GAB2: variants seen among roughly 807,000 people sequenced by gnomAD.
GAB2 encodes GRB2-associated-binding protein 2.
Under a neutral mutation model 65.5 loss-of-function variants are expected in GAB2, and 26 were observed. The observed-to-expected ratio is 0.40, with a 90% CI of 0.29 to 0.55. The LOEUF is 0.55. Among genes scored for constraint, GAB2 ranks in the 20% least tolerant of loss-of-function variants. GAB2 has a pLI of 0.53. For synonymous variants in GAB2, 321 were observed against 329.6 expected (o/e 0.97, Z 0.28); for missense variants, 884 against 875.8 (o/e 1.01, Z -0.12).
At chr11:78,344,035 A>C (rs865847549) in intron 1 of GAB2, among the ~76,000 whole-genome samples, 1 of 152,220 alleles carries the variant, frequency 6.6e-6, no homozygotes, top group Non-Finnish European at 1.5e-5. Flanking sequence ...AGGACTGTCT[A>C]TAGAACAGCT....
Position 78,219,492 on chromosome 11 carries a change from T to A in GAB2, c.1888-77A>T. ...GGGGAGGAAGAAGGTGGGCACGGGA[T>A]CTTCCTGAGCTGTCTGAAGGGGAGA... On this transcript the variant is annotated intron_variant, in intron 9 of 9. Coordinates refer to ENST00000361507, the MANE Select transcript of GAB2 (RefSeq NM_080491.3). 4.4e-6 allele frequency: 6 copies of A among 1,365,162 alleles called. No individual in the cohort carries two copies. The East Asian group carries it at 1.4e-4, about 31-fold the overall frequency. The allele number at this position is 1,365,162 out of a possible 1,614,324, so 84.6% of individuals were successfully genotyped here.
intron 1 of GAB2, among the ~76,000 whole-genome samples, chr11:78,395,438 C>G (rs142082545): frequency 2.6e-3 from 399 of 152,310 alleles, no homozygotes; most frequent in Middle Eastern, 0.01. Context: ...CGGGCAACAG[C>G]AAGTCTCCAT....
At chr11:78,352,854 T>C (rs1260461694) in intron 1 of GAB2, among the ~76,000 whole-genome samples, 1 of 152,214 alleles carries the variant, frequency 6.6e-6, no homozygotes, top group Non-Finnish European at 1.5e-5. Flanking sequence ...GTGATTTAAG[T>C]CACTATTAGT....
intron 1 of GAB2, among the ~76,000 whole-genome samples, chr11:78,398,919 T>A (rs1591087841): frequency 1.3e-5 from 2 of 152,220 alleles, no homozygotes; most frequent in African/African-American, 2.4e-5. Context: ...TCAACTCGAA[T>A]AGGCTCCTGC....
chr11:78,313,740 C>T (rs772096862), intron 1 of GAB2, among the ~76,000 whole-genome samples: 4 of 152,216 alleles, frequency 2.6e-5, no homozygotes, highest in Non-Finnish European at 5.9e-5. Flanking sequence ...CAAATTACCA[C>T]ATATAATAAA....
rs1292106645 is a variant in GAB2, at chr11:78,226,656, A to T, written c.1016T>A (p.Met339Lys). Residue 339 changes from methionine to lysine, a missense_variant, in exon 4 of 10, where the codon ATG becomes AAG. Coordinates refer to ENST00000361507, the MANE Select transcript of GAB2 (RefSeq NM_080491.3). ...TFTLDKNHNA[M>K]TVATPGDSAI... The stretch of plus-strand genomic sequence containing the variant: ...TGAGTCCCCAGGAGTGGCCACTGTC[A>T]TGGCATTGTGGTTTTTGTCCAGAGT... The T allele has an allele frequency of 1.9e-6, 3 of 1,613,900 alleles. No individual in the cohort carries two copies. The South Asian group carries it at 3.3e-5, about 18-fold the overall frequency.
At chr11:78,417,191 G>C (rs991283673) in intron 1 of GAB2, among the ~76,000 whole-genome samples, 9 of 152,256 alleles carry the variant, frequency 5.9e-5, no homozygotes, top group Admixed American at 5.9e-4. Context: ...GAAGGAGAGG[G>C]CGTGAGGCGC....
At chr11:78,379,758 C>T (rs1004246329) in intron 1 of GAB2, among the ~76,000 whole-genome samples, 7 of 152,132 alleles carry the variant, frequency 4.6e-5, no homozygotes, top group African/African-American at 1.4e-4. Flanking sequence ...ACAAATACAA[C>T]CCTGAACAAA....
rs984818809 is a variant in GAB2, at chr11:78,225,344, C to G, written c.1208-142G>C. On this transcript the variant is annotated intron_variant, in intron 4 of 9. Coordinates refer to ENST00000361507, the MANE Select transcript of GAB2 (RefSeq NM_080491.3). ...AACCCCAAATGATAAGGAATTTCTT[C>G]GAACACATCACTCCTCAGTTCAAAA... The G allele has an allele frequency of 8.3e-6, 5 of 604,206 alleles. No individual in the cohort carries two copies. The East Asian group carries it at 1.4e-4, about 17-fold the overall frequency. The allele number at this position is 604,206 out of a possible 1,614,324, so 37.4% of individuals were successfully genotyped here. A position where few individuals can be genotyped will look rare whatever the true frequency, so the allele number is the denominator to read the frequency against.
rs1590964783 is a variant in GAB2, at chr11:78,248,568, CT to C, written c.620+1588del. Among the ~76,000 whole-genome samples the C allele has an allele frequency of 2.6e-5, 4 of 152,352 alleles. No homozygotes were observed. The East Asian group carries it at 7.7e-4, about 29-fold the overall frequency. ...CTATGATTTTAAGACCTCACCTTAT[CT>C]GCTCCCAGGCAGTTGTCTATGTAGT... is the stretch of plus-strand genomic sequence containing the variant. On this transcript the variant is annotated intron_variant, in intron 3 of 9. Coordinates refer to ENST00000361507, the MANE Select transcript of GAB2 (RefSeq NM_080491.3).
chr11:78,360,811 A>T (rs1856424754), intron 1 of GAB2, among the ~76,000 whole-genome samples: 1 of 152,194 alleles, frequency 6.6e-6, no homozygotes, highest in Non-Finnish European at 1.5e-5. Flanking sequence ...GTGAGCCAAG[A>T]TCTTGTCACT....
intron 1 of GAB2, among the ~76,000 whole-genome samples, chr11:78,344,832 A>G (rs1460872770): frequency 6.6e-6 from 1 of 152,118 alleles, no homozygotes; most frequent in Admixed American, 6.5e-5. Flanking sequence ...ATGATTCAAC[A>G]ATATCCTGTT....
At chr11:78,282,987 C>T (rs978859966) in intron 1 of GAB2, among the ~76,000 whole-genome samples, 1 of 152,214 alleles carries the variant, frequency 6.6e-6, no homozygotes, top group Non-Finnish European at 1.5e-5. Flanking sequence ...TCTACCTGTT[C>T]CCACTTGGCT....
At chr11:78,417,466 G>C (rs1381230985) in intron 1 of GAB2, among the ~76,000 whole-genome samples, 180 bp downstream of exon 1, 1 of 150,576 alleles carries the variant, frequency 6.6e-6, no homozygotes, top group African/African-American at 2.4e-5. Flanking sequence ...CCCGCCCCTC[G>C]GCGGCCCACC....
intron 1 of GAB2, among the ~76,000 whole-genome samples, chr11:78,287,008 T>C (rs1377477307): frequency 2.0e-5 from 3 of 152,148 alleles, no homozygotes; most frequent in Non-Finnish European, 4.4e-5. Context: ...ACACATAAAA[T>C]ACAAATAGAA....
At position 78,313,409 on chromosome 11, in the gene GAB2, G is replaced by T. The variant is rs558841860; in HGVS notation, c.76-32508C>A. Among the ~76,000 whole-genome samples the T allele has an allele frequency of 5.9e-5, 9 of 152,204 alleles. No individual in the cohort carries two copies. The East Asian group carries it at 1.7e-3, about 29-fold the overall frequency. On this transcript the variant is annotated intron_variant, in intron 1 of 9. Coordinates refer to ENST00000361507, the MANE Select transcript of GAB2 (RefSeq NM_080491.3). ...AATGGTTCCTTTACTTCCCCTCCTG[G>T]CTTTGTGCTTTTAAGGGTGAACTGC...
At chr11:78,382,410 G>A (rs1193861357) in intron 1 of GAB2, among the ~76,000 whole-genome samples, 1 of 149,612 alleles carries the variant, frequency 6.7e-6, no homozygotes, top group African/African-American at 2.5e-5. Flanking sequence ...ACAGAGTCTC[G>A]CTCTGTCGCC....
chr11:78,243,200 G>A (rs1421983694), intron 3 of GAB2, among the ~76,000 whole-genome samples: 2 of 151,968 alleles, frequency 1.3e-5, no homozygotes, highest in Non-Finnish European at 2.9e-5. Flanking sequence ...GGGCATGGTG[G>A]CTCATGCCTG....
intron 3 of GAB2, among the ~76,000 whole-genome samples, chr11:78,232,629 T>TA (rs1426121106): frequency 6.6e-6 from 1 of 152,254 alleles, no homozygotes; most frequent in Non-Finnish European, 1.5e-5. Flanking sequence ...TATCTAGTAC[T>TA]TGAAGGAAGA....
Sources: allele counts gnomAD v4.1 joint callset (sites outside exome capture counted in the v4.1 genomes callset), GRCh38; gene constraint gnomAD v4.1.1; transcripts MANE v1.5; gene names NCBI Gene and HGNC (gene_info 2026-07-23, HGNC 2026-07-21).